The following RANBP2 variants were observed in gnomAD, a reference collection of about 807,000 sequenced individuals.
RANBP2 encodes E3 SUMO-protein ligase RanBP2.
Under a neutral mutation model 303.6 loss-of-function variants are expected in RANBP2, and 57 were observed. That is an observed-to-expected ratio of 0.19 (90% CI 0.15 to 0.23). RANBP2 has a LOEUF of 0.23. Ranked by LOEUF, RANBP2 falls within the 10% of genes least tolerant of loss-of-function variation. The pLI is 1.00. For synonymous variants in RANBP2, 1,167 were observed against 1,301.5 expected (o/e 0.90, Z 2.23); for missense variants, 3,138 against 3,780.8 (o/e 0.83, Z 4.46).
chr2:109,143,088 G>A, the RANBP2 span, among the ~76,000 whole-genome samples: 1 of 152,148 alleles, frequency 6.6e-6, no homozygotes, highest in African/African-American at 2.4e-5. Context: ...CCAGTGTGGG[G>A]GGCCTGCCAT....
At chr2:108,968,743 T>A in the RANBP2 span, among the ~76,000 whole-genome samples, 1 of 152,156 alleles carries the variant, frequency 6.6e-6, no homozygotes, top group Non-Finnish European at 1.5e-5. Flanking sequence ...CAAAAAGCCA[T>A]CGAACACTAG....
the RANBP2 span, among the ~76,000 whole-genome samples, chr2:109,537,063 G>GCTACAACTT: frequency 6.6e-6 from 1 of 152,152 alleles, no homozygotes. Context: ...ACTTGCACTG[G>GCTACAACTT]CTACAACTTC....
chr2:109,140,962 GC>G, the RANBP2 span, among the ~76,000 whole-genome samples: 2 of 152,156 alleles, frequency 1.3e-5, no homozygotes, highest in Non-Finnish European at 2.9e-5. Flanking sequence ...TCCATCCGGG[GC>G]TGCTGTGAAC....
chr2:108,975,712 G>A, the RANBP2 span, among the ~76,000 whole-genome samples: 6 of 152,266 alleles, frequency 3.9e-5, no homozygotes, highest in East Asian at 3.9e-4. Context: ...TGTGGTGGTC[G>A]GAGGAAATGA....
chr2:109,584,474 C>CAAAA, the RANBP2 span, among the ~76,000 whole-genome samples: 45 of 71,884 alleles, frequency 6.3e-4, no homozygotes, highest in African/African-American at 1.5e-3. Flanking sequence ...GACTCTGTCT[C>CAAAA]AAAAAAAAAA....
At chr2:108,987,079 G>C in the RANBP2 span, among the ~76,000 whole-genome samples, 1 of 152,216 alleles carries the variant, frequency 6.6e-6, no homozygotes, top group Non-Finnish European at 1.5e-5. Context: ...GAGCCCAGCT[G>C]AGGGGCTGAG....
chr2:109,458,380 C>G, the RANBP2 span, among the ~76,000 whole-genome samples: 2 of 152,158 alleles, frequency 1.3e-5, no homozygotes, highest in South Asian at 2.1e-4. Context: ...AGATTTATGG[C>G]TTCATCACCT....
At chr2:109,524,288 G>C in the RANBP2 span, among the ~76,000 whole-genome samples, 1 of 152,066 alleles carries the variant, frequency 6.6e-6, no homozygotes, top group South Asian at 2.1e-4. Context: ...CTGTAAGGAC[G>C]GCTCAGTGGT....
chr2:109,071,973 G>A, the RANBP2 span, among the ~76,000 whole-genome samples: 3 of 152,150 alleles, frequency 2.0e-5, no homozygotes, highest in African/African-American at 4.8e-5. Flanking sequence ...ATCACAAAGA[G>A]GAATATGTTT....
chr2:109,676,705 C>CA, the RANBP2 span, among the ~76,000 whole-genome samples: 1 of 152,200 alleles, frequency 6.6e-6, no homozygotes, highest in Non-Finnish European at 1.5e-5. Context: ...AAGTGCTTTG[C>CA]AAACTGACTC....
the RANBP2 span, among the ~76,000 whole-genome samples, chr2:109,083,738 GCCGTGGCTGCACCCTCTTACATTC>G: frequency 2.6e-5 from 4 of 152,078 alleles, no homozygotes; most frequent in African/African-American, 9.7e-5. Context: ...CCTGTTTTCT[GCCGTGGCTGCACCCTCTTACATTC>G]CCACCTGCAG....
chr2:109,228,502 TGG>T, the RANBP2 span, among the ~76,000 whole-genome samples: 1 of 152,190 alleles, frequency 6.6e-6, no homozygotes, highest in Non-Finnish European at 1.5e-5. Context: ...AGATGCCAAC[TGG>T]GTATTCAGTT....
At chr2:109,160,387 G>A in the RANBP2 span, among the ~76,000 whole-genome samples, 5 of 152,354 alleles carry the variant, frequency 3.3e-5, no homozygotes, top group South Asian at 8.3e-4. Context: ...GCAGGGCAGG[G>A]CTAAAGTTGG....
chr2:109,519,155 G>A, the RANBP2 span, among the ~76,000 whole-genome samples: 1 of 151,990 alleles, frequency 6.6e-6, no homozygotes, highest in Non-Finnish European at 1.5e-5. Flanking sequence ...CTGACCTCAG[G>A]TGATCTGCCC....
At chr2:109,681,371 A>AT in the RANBP2 span, among the ~76,000 whole-genome samples, 6 of 152,332 alleles carry the variant, frequency 3.9e-5, no homozygotes, top group Admixed American at 3.9e-4. Context: ...TCTTATTTGT[A>AT]CACGTATTCA....
At chr2:109,213,785 G>A in the RANBP2 span, among the ~76,000 whole-genome samples, 1 of 152,224 alleles carries the variant, frequency 6.6e-6, no homozygotes, top group Non-Finnish European at 1.5e-5. Flanking sequence ...TCACTGTGGT[G>A]TGGTGTGATA....
At chr2:109,186,444 T>A in the RANBP2 span, among the ~76,000 whole-genome samples, 1 of 152,230 alleles carries the variant, frequency 6.6e-6, no homozygotes, top group Non-Finnish European at 1.5e-5. Context: ...GTGCAAACAC[T>A]TCACCGCCGT....
At position 108,765,952 on chromosome 2, in the gene RANBP2, G is replaced by A; in HGVS notation, c.5413G>A (p.Asp1805Asn). ...TTCTTCCTTAAAATGTGTGGCTTGT[G>A]ATGCCTCTAAACCAACTCATAAACC... Reference protein sequence around the residue: ...ESSSLKCVACDASKPTHKPIA... With the variant: ...ESSSLKCVACNASKPTHKPIA... Residue 1805 changes from aspartate (D) to asparagine (N), a missense_variant, in exon 20 of 29, where the codon GAT becomes AAT. Coordinates refer to ENST00000283195, the MANE Select transcript of RANBP2 (RefSeq NM_006267.5). 3 of 1,614,128 alleles carry A rather than the reference G, an allele frequency of 1.9e-6. No individual in the cohort carries two copies. Among genetic ancestry groups the A allele is most frequent in the Non-Finnish European group, 2.5e-6 (3 of 1,179,980 alleles).
the RANBP2 span, among the ~76,000 whole-genome samples, chr2:109,329,823 C>A: frequency 6.6e-6 from 1 of 152,188 alleles, no homozygotes; most frequent in East Asian, 1.9e-4. Flanking sequence ...CAGCTTCAGC[C>A]AGTTTTGTAA....
Sources: allele counts gnomAD v4.1 joint callset (sites outside exome capture counted in the v4.1 genomes callset), GRCh38; gene constraint gnomAD v4.1.1; transcripts MANE v1.5; gene names NCBI Gene and HGNC (gene_info 2026-07-23, HGNC 2026-07-21).